RSRC2: variants seen among roughly 807,000 people sequenced by gnomAD.
The protein encoded by RSRC2 is arginine/serine-rich coiled-coil protein 2.
In RSRC2, 5 loss-of-function variants were observed where a neutral mutation model predicts 61.3. The ratio of observed to expected loss-of-function variants is 0.08; its 90% CI spans 0.04 to 0.17. The LOEUF (loss-of-function observed/expected upper bound fraction) is 0.17, where lower values mean the gene tolerates loss of function less well. RSRC2 is among the 10% of genes least tolerant of loss of function. RSRC2 has a pLI of 1.00. For synonymous variants in RSRC2, 202 were observed against 166.5 expected, an observed-to-expected ratio of 1.21 and a Z score of -1.64; for missense variants, 381 against 518.8, an observed-to-expected ratio of 0.73 and a Z score of 2.58.
intron 7 of RSRC2, among the ~76,000 whole-genome samples, chr12:122,509,439 G>A (rs1408463571): frequency 6.7e-6 from 1 of 149,582 alleles, no homozygotes; most frequent in East Asian, 2.0e-4. Context: ...GACAGTATGA[G>A]CCTCCGTCTC....
In RSRC2 at chr12:122,521,555, C is replaced by T. The variant is rs1233241226; in HGVS notation, c.164-127G>A. Reference sequence around the variant, plus strand: ...CTTCCAATGACTAATTTTTTCATGGCACGGGTGGGATTATTCTACATTAAT... The same window carrying T: ...CTTCCAATGACTAATTTTTTCATGGTACGGGTGGGATTATTCTACATTAAT... On this transcript the variant is annotated intron_variant, in intron 2 of 9. Coordinates refer to ENST00000331738, the MANE Select transcript of RSRC2 (RefSeq NM_023012.6). The T allele has an allele frequency of 8.0e-6, 6 of 746,140 alleles. No homozygotes were observed. The Admixed American group carries it at 1.1e-4, about 14-fold the overall frequency. 46.2% of individuals were successfully genotyped at this position (746,140 alleles called of 1,614,324 possible).
chr12:122,515,200 C>A lies in RSRC2; in HGVS notation c.630G>T (p.Pro210=). ...GGCTTAAACTTCTGCTAAATCTTCTCGGCTTTTCAATTCTCTTCTTTCTAT... is the reference window on the plus strand; with the variant it reads ...GGCTTAAACTTCTGCTAAATCTTCTAGGCTTTTCAATTCTCTTCTTTCTAT... ...SRDRKKRIEK[P]RRFSRSLSRT... Residue 210 remains proline (P), a synonymous_variant, in exon 6 of 10, where the codon CCG becomes CCT. Transcript: ENST00000331738. 5.6e-6 allele frequency: 9 copies of A among 1,614,012 alleles called. No homozygotes were observed. The highest frequency in any genetic ancestry group is 7.6e-6 in the Non-Finnish European group (9 of 1,179,950).
chr12:122,506,588 T>C (rs1958129652), intron 9 of RSRC2: 1 of 395,660 alleles, frequency 2.5e-6, no homozygotes, highest in African/African-American at 2.1e-5. Flanking sequence ...CCAGCCCAAG[T>C]GACAGAGCAA....
chr12:122,522,547 A>T, intron 1 of RSRC2: 1 of 327,550 alleles, frequency 3.1e-6, no homozygotes, highest in Non-Finnish European at 5.5e-6. Flanking sequence ...GATGATTTGT[A>T]TAACTTTTAA....
At position 122,504,085 on chromosome 12, in the gene RSRC2, T is replaced by G. The variant is rs1181255969; in HGVS notation, c.*1442A>C. On this transcript the variant is annotated 3_prime_UTR_variant, in exon 10 of 10. Transcript: ENST00000331738. ...AAAGAAAACACCCCATTACTTCATT[T>G]TCATGTATAAAAAAAATACCTAATG... 2.0e-5 allele frequency: 3 copies of G among 152,050 alleles called. No individual in the cohort carries two copies. The highest frequency in any genetic ancestry group is 4.4e-5 in the Non-Finnish European group (3 of 68,004). 9.4% of individuals were successfully genotyped at this position (152,050 alleles called of 1,614,324 possible). A position where few individuals can be genotyped will look rare whatever the true frequency, so the allele number is the denominator to read the frequency against.
intron 7 of RSRC2, among the ~76,000 whole-genome samples, chr12:122,508,713 T>A (rs184882883): frequency 6.6e-6 from 1 of 152,122 alleles, no homozygotes; most frequent in East Asian, 1.9e-4. Context: ...TCCCAGCACT[T>A]TGGGAGGCTG....
intron 7 of RSRC2, among the ~76,000 whole-genome samples, chr12:122,509,062 A>G (rs1264309663): frequency 6.6e-6 from 1 of 152,182 alleles, no homozygotes; most frequent in Non-Finnish European, 1.5e-5. Flanking sequence ...CTAAGGTATA[A>G]TTACAAAACA....
At chr12:122,506,808 G>A (rs776642868) in intron 9 of RSRC2, 26 bp downstream of exon 9, 1 of 1,351,418 alleles carries the variant, frequency 7.4e-7, no homozygotes, top group Non-Finnish European at 1.1e-6. Context: ...CTAATACAAA[G>A]ATCCCCTGGC....
intron 6 of RSRC2, chr12:122,514,626 C>T: frequency 2.0e-6 from 2 of 988,144 alleles, no homozygotes; most frequent in South Asian, 2.8e-5. Flanking sequence ...AGGAATAAAA[C>T]TTACAAGATC....
chr12:122,523,783 T>C (rs891457475), intron 1 of RSRC2: 3 of 152,208 alleles, frequency 2.0e-5, no homozygotes, highest in Non-Finnish European at 4.4e-5. Context: ...GTATTGTACT[T>C]TAATAAATGA....
chr12:122,520,729 A>T (rs966605996), intron 3 of RSRC2: 3 of 410,398 alleles, frequency 7.3e-6, no homozygotes, highest in African/African-American at 6.3e-5. Flanking sequence ...GGAGTCCCTT[A>T]CCCAGCCCCC....
chr12:122,522,044 T>C (rs904524910), intron 2 of RSRC2, 99 bp downstream of exon 2: 31 of 1,265,306 alleles, frequency 2.4e-5, no homozygotes, highest in African/African-American at 2.1e-4. Flanking sequence ...TGAGCCACCA[T>C]GCCCAGCCAA....
intron 6 of RSRC2, chr12:122,514,062 A>C (rs970996602): frequency 6.6e-6 from 1 of 152,214 alleles, no homozygotes; most frequent in Non-Finnish European, 1.5e-5. Context: ...ACGAGAGAAA[A>C]AAAAATCAAA....
rs1960606224 is a variant in RSRC2 at position 122,526,819 on chromosome 12, C to G, written c.6+29G>C. On this transcript the variant is annotated intron_variant, in intron 1 of 9. Transcript: ENST00000331738. ...GTTGGAACGTAGCAGAAAAATATCCCTGGCTTTAAACTCAGATTCGGTACC... is the reference window on the plus strand; with the variant it reads ...GTTGGAACGTAGCAGAAAAATATCCGTGGCTTTAAACTCAGATTCGGTACC... 1.9e-6 allele frequency: 3 copies of G among 1,613,840 alleles called. 1 individual carries two copies. Among genetic ancestry groups the G allele is most frequent in the South Asian group, 2.2e-5 (2 of 91,084 alleles).
chr12:122,509,865 G>T (rs1958369767), intron 7 of RSRC2, among the ~76,000 whole-genome samples: 1 of 151,968 alleles, frequency 6.6e-6, no homozygotes, highest in Non-Finnish European at 1.5e-5. Flanking sequence ...GTGAGACAGG[G>T]TCTCACTCTG....
Position 122,505,364 on chromosome 12 carries a change from A to C in RSRC2, c.*163T>G. The C allele has an allele frequency of 1.8e-6, 1 of 567,076 alleles. No homozygotes were observed. The highest frequency in any genetic ancestry group is 3.0e-6 in the Non-Finnish European group (1 of 329,898). The allele number at this position is 567,076 out of a possible 1,614,324, so 35.1% of individuals were successfully genotyped here. A position where few individuals can be genotyped will look rare whatever the true frequency, so the allele number is the denominator to read the frequency against. On this transcript the variant is annotated 3_prime_UTR_variant, in exon 10 of 10. Transcript: ENST00000331738. ...TGGGTTTAACCTGATTACAACACTA[A>C]CACCAGTATCACTGATCTGATATTT...
At chr12:122,514,041 T>A (rs1357879659) in intron 6 of RSRC2, 1 of 152,176 alleles carries the variant, frequency 6.6e-6, no homozygotes, top group Non-Finnish European at 1.5e-5. Flanking sequence ...ACAAAACACC[T>A]TAATTTTGTA....
At chr12:122,516,303 C>G (rs1958921008) in intron 5 of RSRC2, among the ~76,000 whole-genome samples, 1 of 152,116 alleles carries the variant, frequency 6.6e-6, no homozygotes, top group Non-Finnish European at 1.5e-5. Flanking sequence ...AATTAGTTTT[C>G]CTCCTGTGCT....
intron 6 of RSRC2, among the ~76,000 whole-genome samples, chr12:122,513,364 T>C (rs1265332188): frequency 6.6e-6 from 1 of 151,382 alleles, no homozygotes; most frequent in Non-Finnish European, 1.5e-5. Flanking sequence ...GGTCTATACA[T>C]GGTAGTTTCT....
Sources: gnomAD v4.1 joint callset for allele counts (sites outside exome capture counted in the v4.1 genomes callset) on GRCh38, gnomAD v4.1.1 for gene constraint, MANE v1.5 for transcripts, NCBI Gene and HGNC (gene_info 2026-07-23, HGNC 2026-07-21) for gene names.